NRXN1: variants seen among roughly 807,000 people sequenced by gnomAD.
The protein encoded by NRXN1 is neurexin 1, also known as neurexin-1.
In NRXN1, 39 loss-of-function variants were observed where a neutral mutation model predicts 150.9. The ratio of observed to expected loss-of-function variants is 0.26; its 90% CI spans 0.20 to 0.34. The LOEUF is 0.34. NRXN1 is among the 10% of genes least tolerant of loss of function. The pLI is 1.00. For synonymous variants in NRXN1, 924 were observed against 757.0 expected (o/e 1.22, Z -3.62); for missense variants, 1,815 against 1,949.9 (o/e 0.93, Z 1.30).
rs572848162 is a variant in NRXN1 at position 50,759,515 on chromosome 2, C to T, written c.833-135900G>A. 6.6e-5 allele frequency among the ~76,000 whole-genome samples: 10 copies of T among 151,924 alleles called. No homozygotes were observed. The South Asian group carries it at 1.2e-3, about 19-fold the overall frequency. On this transcript the variant is annotated intron_variant, in intron 5 of 22. Transcript: ENST00000401669. Reference sequence around the variant, plus strand: ...TCACTATGCATCTCAACTCTTAGATCTAAAAGACAGAATAATCAAGAATTT... The same window carrying T: ...TCACTATGCATCTCAACTCTTAGATTTAAAAGACAGAATAATCAAGAATTT...
intron 18 of NRXN1, among the ~76,000 whole-genome samples, chr2:50,149,979 A>C (rs983630395): frequency 6.6e-6 from 1 of 151,794 alleles, no homozygotes; most frequent in Admixed American, 6.6e-5. Context: ...GGGATTATAT[A>C]ATTCAAACCA....
intron 5 of NRXN1, among the ~76,000 whole-genome samples, chr2:50,846,739 T>C (rs1009479862): frequency 3.3e-5 from 5 of 152,186 alleles, no homozygotes; most frequent in Non-Finnish European, 7.3e-5. Flanking sequence ...GATTTATGAT[T>C]CCCTCTCTAG....
chr2:50,137,878 C>A (rs1706656722), intron 18 of NRXN1, among the ~76,000 whole-genome samples: 1 of 152,184 alleles, frequency 6.6e-6, no homozygotes, highest in African/African-American at 2.4e-5. Flanking sequence ...ATGGTTGTTT[C>A]AAGATGGAGC....
intron 2 of NRXN1, among the ~76,000 whole-genome samples, chr2:50,946,002 G>A (rs1690319002): frequency 6.6e-6 from 1 of 150,832 alleles, no homozygotes; most frequent in African/African-American, 2.4e-5. Context: ...AAGGCACCTA[G>A]AGGACTCACT....
intron 17 of NRXN1, chr2:50,417,070 C>T (rs1257948910): frequency 6.6e-6 from 1 of 152,010 alleles, no homozygotes; most frequent in East Asian, 1.9e-4. Context: ...AGGGACCCAC[C>T]CATTAAACCT....
At chr2:50,276,284 A>G (rs541583877) in intron 17 of NRXN1, among the ~76,000 whole-genome samples, 1 of 152,292 alleles carries the variant, frequency 6.6e-6, no homozygotes, top group East Asian at 1.9e-4. Flanking sequence ...TAAAAAGCCT[A>G]ACACTCATTG....
chr2:50,145,052 T>C (rs1189325808), intron 18 of NRXN1, among the ~76,000 whole-genome samples: 1 of 151,820 alleles, frequency 6.6e-6, no homozygotes, highest in Non-Finnish European at 1.5e-5. Flanking sequence ...ATTTCTGTGA[T>C]GATTTAATGC....
chr2:50,302,845 G>C (rs1051990183), intron 17 of NRXN1, among the ~76,000 whole-genome samples: 3 of 151,940 alleles, frequency 2.0e-5, no homozygotes, highest in Non-Finnish European at 4.4e-5. Flanking sequence ...TAACAGTTCC[G>C]AATTTGTTGG....
intron 21 of NRXN1, among the ~76,000 whole-genome samples, chr2:50,000,105 G>C (rs1290242674): frequency 6.6e-6 from 1 of 152,184 alleles, no homozygotes; most frequent in Non-Finnish European, 1.5e-5. Flanking sequence ...TTGCTACATA[G>C]TGATAAACTG....
intron 21 of NRXN1, among the ~76,000 whole-genome samples, chr2:50,034,734 G>T (rs1689755025): frequency 6.6e-6 from 1 of 151,954 alleles, no homozygotes; most frequent in Non-Finnish European, 1.5e-5. Context: ...GCCAATATTT[G>T]AATGTGGTTT....
rs117823313 is a variant in NRXN1, at chr2:50,490,161, C to T, written c.3070+5744G>A. 1.8e-3 allele frequency among the ~76,000 whole-genome samples: 275 copies of T among 152,266 alleles called. 6 individuals are homozygous for T. The East Asian group carries it at 0.048, about 26-fold the overall frequency. ...GAAACTTATTGTCTTTGTTCTGTAC[C>T]ATGGCAATTGCCTCAAAAGTGGTGT... On this transcript the variant is annotated intron_variant, in intron 15 of 22. Transcript: ENST00000401669.
chr2:50,937,761 T>C (rs1574985549), intron 2 of NRXN1, among the ~76,000 whole-genome samples: 1 of 152,130 alleles, frequency 6.6e-6, no homozygotes, highest in South Asian at 2.1e-4. Context: ...GACATGGCCA[T>C]GATTAGTTGA....
At chr2:50,782,218 A>C (rs1166043853) in intron 5 of NRXN1, among the ~76,000 whole-genome samples, 1 of 151,958 alleles carries the variant, frequency 6.6e-6, no homozygotes, top group Non-Finnish European at 1.5e-5. Flanking sequence ...AAAAAGGATG[A>C]TACACTTTGG....
chr2:50,171,511 G>A (rs570429295), intron 18 of NRXN1, among the ~76,000 whole-genome samples: 17 of 152,146 alleles, frequency 1.1e-4, no homozygotes, highest in African/African-American at 4.1e-4. Context: ...TTGATTACAG[G>A]AGACATAGTT....
At chr2:50,993,885 T>C (rs947318184) in intron 2 of NRXN1, among the ~76,000 whole-genome samples, 30 of 151,988 alleles carry the variant, frequency 2.0e-4, no homozygotes, top group African/African-American at 5.1e-4. Flanking sequence ...CAGAGCACTT[T>C]GCAAATTTAT....
At chr2:50,952,806 C>A (rs1334164642) in intron 2 of NRXN1, among the ~76,000 whole-genome samples, 2 of 152,098 alleles carry the variant, frequency 1.3e-5, no homozygotes, top group Non-Finnish European at 2.9e-5. Flanking sequence ...GTCATCTATG[C>A]CAGATTCCAC....
intron 18 of NRXN1, among the ~76,000 whole-genome samples, chr2:50,203,752 T>C (rs531379677): frequency 0.011 from 1,696 of 152,290 alleles, 40 homozygotes; most frequent in African/African-American, 0.039. Context: ...CATTATATTT[T>C]CGAAATGGCA....
At chr2:50,915,858 A>G (rs959651097) in intron 5 of NRXN1, among the ~76,000 whole-genome samples, 1 of 150,826 alleles carries the variant, frequency 6.6e-6, no homozygotes, top group East Asian at 2.0e-4. Flanking sequence ...GTAATTGAGT[A>G]TTTTTATTAA....
At chr2:50,315,049 A>T (rs2075482238) in intron 17 of NRXN1, among the ~76,000 whole-genome samples, 1 of 152,078 alleles carries the variant, frequency 6.6e-6, no homozygotes, top group Non-Finnish European at 1.5e-5. Context: ...CCACTCACAG[A>T]TAACCAGTTC....
Sources: allele counts gnomAD v4.1 joint callset (sites outside exome capture counted in the v4.1 genomes callset), GRCh38; gene constraint gnomAD v4.1.1; transcripts MANE v1.5; gene names NCBI Gene and HGNC (gene_info 2026-07-23, HGNC 2026-07-21).